Variants in ZFP64 observed in about 807,000 individuals in gnomAD.
ZFP64 encodes the protein zinc finger protein 64.
ZFP64 carries 14 observed loss-of-function variants against 51.6 expected under a neutral mutation model. That is an observed-to-expected ratio of 0.27 (90% confidence interval 0.18 to 0.42). The LOEUF (loss-of-function observed/expected upper bound fraction) is 0.42, where lower values mean the gene tolerates loss of function less well. Ranked by LOEUF, ZFP64 falls within the 10% of genes least tolerant of loss-of-function variation. ZFP64 has a pLI of 1.00. For missense variants in ZFP64, 754 were observed against 906.8 expected, an observed-to-expected ratio of 0.83 and a Z score of 2.16; for synonymous variants, 375 against 361.4, an observed-to-expected ratio of 1.04 and a Z score of -0.43.
chr20:52,153,018 T>C lies in ZFP64; in HGVS notation c.1174A>G (p.Lys392Glu). The change falls in exon 6 of 6, where the codon AAG becomes GAG. Residue 392 changes from lysine to glutamate, a missense_variant. By Grantham distance (56) the Lys-to-Glu change is moderately conservative (BLOSUM62 1). Coordinates refer to ENST00000216923, the MANE Select transcript of ZFP64 (RefSeq NM_018197.3). The surrounding 1 kb of genome is among the most constrained non-coding windows in gnomAD (Gnocchi z 5.1). Reference protein sequence around the residue: ...QPSNLSKHMKKFHGDMVKTEA... With the variant: ...QPSNLSKHMKEFHGDMVKTEA... Reference sequence around the variant, plus strand: ...GTCTTAACCATGTCCCCATGGAACTTCTTCATGTGCTTGCTCAGGTTGCTG... The same window carrying C: ...GTCTTAACCATGTCCCCATGGAACTCCTTCATGTGCTTGCTCAGGTTGCTG... 1.2e-6 allele frequency: 2 copies of C among 1,614,066 alleles called. No individual in the cohort carries two copies. Among genetic ancestry groups the C allele is most frequent in the Non-Finnish European group, 1.7e-6 (2 of 1,180,026 alleles).
downstream of ZFP64, among the ~76,000 whole-genome samples, chr20:52,150,988 T>C (rs539664542): frequency 5.2e-5 from 8 of 152,382 alleles, no homozygotes; most frequent in Admixed American, 2.0e-4. Flanking sequence ...TCAAAAATGG[T>C]ATTCTAGAAA....
intron 5 of ZFP64, among the ~76,000 whole-genome samples, chr20:52,118,126 T>C (rs186994925): frequency 7.2e-5 from 11 of 152,222 alleles, no homozygotes; most frequent in Non-Finnish European, 1.6e-4. Flanking sequence ...AAAAAGAAAC[T>C]AGTTAAGTTA....
At chr20:52,088,737 C>T in intron 7 of ZFP64, 4 of 1,521,214 alleles carry the variant, frequency 2.6e-6, no homozygotes, top group South Asian at 1.2e-5. Flanking sequence ...ATGGGTGTGC[C>T]GCCTCCTCCT....
intron 5 of ZFP64, among the ~76,000 whole-genome samples, chr20:52,137,055 G>A (rs1326196576): frequency 9.2e-5 from 14 of 152,144 alleles, no homozygotes; most frequent in South Asian, 4.1e-4. Context: ...GTGAGCCACC[G>A]TGCCTGGCCC....
chr20:52,097,235 C>A, intron 7 of ZFP64: 1 of 1,055,932 alleles, frequency 9.5e-7, no homozygotes, highest in South Asian at 1.3e-5. Context: ...GCTCCTTCTC[C>A]CAAGCCCACC....
intron 5 of ZFP64, among the ~76,000 whole-genome samples, chr20:52,120,952 C>T (rs2122850931): frequency 6.6e-6 from 1 of 152,292 alleles, no homozygotes; most frequent in South Asian, 2.1e-4. Context: ...GCTGGGATTG[C>T]AGGCATGAGC....
intron 5 of ZFP64, among the ~76,000 whole-genome samples, chr20:52,102,107 C>CAAAAAAAAGAAAAAAAAAAAAA (rs2079058257): frequency 1.6e-5 from 1 of 63,438 alleles, no homozygotes; most frequent in African/African-American, 6.8e-5. Context: ...ACTCCATCTC[C>CAAAAAAAAGAAAAAAAAAAAAA]AAAAAAAAAA....
intron 5 of ZFP64, among the ~76,000 whole-genome samples, chr20:52,132,248 A>G (rs1979756681): frequency 6.6e-6 from 1 of 152,148 alleles, no homozygotes; most frequent in Admixed American, 6.5e-5. Context: ...TTATAACTAT[A>G]AGAGTTTACA....
Position 52,151,898 on chromosome 20 carries a change from A to G in ZFP64, c.*248T>C. ...CTAAATATACAAAAATTAGCCAGTCATGATGTCGTACACCTGTGGTCCCAG... is the reference window on the plus strand; with the variant it reads ...CTAAATATACAAAAATTAGCCAGTCGTGATGTCGTACACCTGTGGTCCCAG... On this transcript the variant is annotated 3_prime_UTR_variant, in exon 6 of 6. Coordinates refer to ENST00000216923, the MANE Select transcript of ZFP64 (RefSeq NM_018197.3). 9.8e-7 allele frequency: 1 copy of G among 1,020,104 alleles called. No individual in the cohort carries two copies. Among genetic ancestry groups the G allele is most frequent in the South Asian group, 1.9e-5 (1 of 51,994 alleles). 63.2% of individuals were successfully genotyped at this position (1,020,104 alleles called of 1,614,324 possible).
chr20:52,107,488 T>G (rs1251654118), intron 5 of ZFP64, among the ~76,000 whole-genome samples: 2 of 152,160 alleles, frequency 1.3e-5, no homozygotes, highest in African/African-American at 4.8e-5. Flanking sequence ...TCCCCTCCTC[T>G]GCCCTACAAC....
At chr20:52,091,450 A>T (rs927835776) in intron 7 of ZFP64, among the ~76,000 whole-genome samples, 9 of 152,328 alleles carry the variant, frequency 5.9e-5, no homozygotes, top group East Asian at 1.9e-4. Flanking sequence ...AAAAATGCTT[A>T]AAAAAAGTAG....
chr20:52,169,677 G>A (rs752471927), intron 2 of ZFP64, among the ~76,000 whole-genome samples: 5 of 152,140 alleles, frequency 3.3e-5, no homozygotes, highest in Non-Finnish European at 5.9e-5. Flanking sequence ...CTTCTCAGAT[G>A]TATAATTTGC....
intron 2 of ZFP64, among the ~76,000 whole-genome samples, chr20:52,175,412 C>T (rs569739057): frequency 7.2e-5 from 11 of 152,358 alleles, no homozygotes; most frequent in African/African-American, 2.6e-4. Flanking sequence ...CAAGCGCCAC[C>T]GCGCCCAGCA....
At chr20:52,136,724 T>C (rs6096789) in intron 5 of ZFP64, among the ~76,000 whole-genome samples, 26,207 of 152,182 alleles carry the variant, frequency 0.17, 2,386 homozygotes, top group Non-Finnish European at 0.2. Flanking sequence ...TAACTGTTTT[T>C]CAAATTATAT....
chr20:52,088,549 T>G, exon 8 of ZFP64: 1 of 1,614,212 alleles, frequency 6.2e-7, no homozygotes, highest in Non-Finnish European at 8.5e-7. Flanking sequence ...GACACTTGTG[T>G]GGCTTCACAC....
intron 2 of ZFP64, among the ~76,000 whole-genome samples, chr20:52,170,378 G>C (rs1982623050): frequency 2.0e-5 from 3 of 152,156 alleles, no homozygotes; most frequent in South Asian, 2.1e-4. Context: ...CTTGGACCCA[G>C]GAGACAGAGG....
chr20:52,155,611 T>C (rs376413942), intron 5 of ZFP64, among the ~76,000 whole-genome samples: 63 of 152,176 alleles, frequency 4.1e-4, no homozygotes, highest in East Asian at 4.0e-3. Flanking sequence ...CAACGTTTTT[T>C]GGCATGAAAG....
At chr20:52,165,001 C>T in intron 3 of ZFP64, 1 of 637,228 alleles carries the variant, frequency 1.6e-6, no homozygotes, top group Non-Finnish European at 2.9e-6. Context: ...AAACTGAGGC[C>T]CTTTTGACAA....
chr20:52,106,386 A>C (rs867795116), intron 5 of ZFP64, among the ~76,000 whole-genome samples: 1 of 152,278 alleles, frequency 6.6e-6, no homozygotes, highest in African/African-American at 2.4e-5. Context: ...GAACCTGAGA[A>C]TCACGTGGGG....
Sources: gnomAD v4.1 joint callset for allele counts (sites outside exome capture counted in the v4.1 genomes callset) on GRCh38, gnomAD v4.1.1 for gene constraint, Gnocchi (gnomAD v3.1) non-coding constraint, MANE v1.5 for transcripts, NCBI Gene and HGNC (gene_info 2026-07-23, HGNC 2026-07-21) for gene names.